The following PPP1R3A variants were observed in gnomAD, a reference collection of about 807,000 sequenced individuals.
PPP1R3A encodes the protein protein phosphatase 1 regulatory subunit 3A.
Under a neutral mutation model 41.7 loss-of-function variants are expected in PPP1R3A, and 29 were observed. That is an observed-to-expected ratio of 0.70 (90% CI 0.52 to 0.95). The LOEUF (loss-of-function observed/expected upper bound fraction) is 0.95. PPP1R3A is among the 40% of genes least tolerant of loss of function. The pLI, the probability that PPP1R3A is intolerant of heterozygous loss-of-function variation, is 0.00. For missense variants in PPP1R3A, 1,352 were observed against 1,292.4 expected (o/e 1.05, Z -0.71); for synonymous variants, 485 against 453.4 (o/e 1.07, Z -0.89).
chr7:113,894,559 A>C (rs1157044639), intron 1 of PPP1R3A, among the ~76,000 whole-genome samples: 2 of 151,960 alleles, frequency 1.3e-5, no homozygotes, highest in Non-Finnish European at 2.9e-5. Flanking sequence ...ATTTCCTCAC[A>C]ACGTAAGTGC....
At chr7:113,900,875 T>C (rs2129118376) in intron 1 of PPP1R3A, among the ~76,000 whole-genome samples, 1 of 151,342 alleles carries the variant, frequency 6.6e-6, no homozygotes, top group East Asian at 1.9e-4. Flanking sequence ...ACTTGCACAG[T>C]ACTAGAAATT....
Position 113,882,334 on chromosome 7 carries a change from A to G in PPP1R3A, c.783-14T>C, listed in dbSNP as rs1426679445. On this transcript the variant is annotated splice_polypyrimidine_tract_variant and intron_variant, in intron 1 of 3. Coordinates refer to ENST00000284601, the MANE Select transcript of PPP1R3A (RefSeq NM_002711.4). ...GATTCTTCTTTACTGTTAAATTTAA[A>G]AGAAAATGTTATATGTTTTTCTGGG... is the stretch of plus-strand genomic sequence containing the variant. 3 of 1,408,582 alleles carry G rather than the reference A, an allele frequency of 2.1e-6. No individual in the cohort carries two copies. The highest frequency in any genetic ancestry group is 1.7e-5 in the Admixed American group (1 of 58,478). The allele number at this position is 1,408,582 out of a possible 1,614,324, so 87.3% of individuals were successfully genotyped here.
At chr7:113,897,004 T>G (rs1331484263) in intron 1 of PPP1R3A, among the ~76,000 whole-genome samples, 1 of 151,932 alleles carries the variant, frequency 6.6e-6, no homozygotes, top group East Asian at 1.9e-4. Flanking sequence ...TTGAAGCCTA[T>G]TCACATGCCA....
intron 1 of PPP1R3A, among the ~76,000 whole-genome samples, chr7:113,912,338 CA>C (rs1458216387): frequency 6.6e-6 from 1 of 152,120 alleles, no homozygotes; most frequent in Non-Finnish European, 1.5e-5. Flanking sequence ...TAGCTCCTGC[CA>C]CCCTCGAGGG....
At chr7:113,882,390 G>A (rs563835464) in intron 1 of PPP1R3A, 70 bp from the exon 2 acceptor site, 3 of 934,776 alleles carry the variant, frequency 3.2e-6, no homozygotes, top group Admixed American at 2.0e-5. Context: ...TTACACAGGG[G>A]GAAATTCAAT....
chr7:113,902,356 T>C (rs1003950765), intron 1 of PPP1R3A, among the ~76,000 whole-genome samples: 1 of 151,856 alleles, frequency 6.6e-6, no homozygotes, highest in African/African-American at 2.4e-5. Context: ...TTTAATATAC[T>C]GTTTATAGCC....
chr7:113,887,358 T>C (rs1335701364), intron 1 of PPP1R3A, among the ~76,000 whole-genome samples: 1 of 152,006 alleles, frequency 6.6e-6, no homozygotes, highest in African/African-American at 2.4e-5. Context: ...TATTTAATCA[T>C]GGTTTTTCTA....
At chr7:113,889,081 G>A (rs930724806) in intron 1 of PPP1R3A, among the ~76,000 whole-genome samples, 14 of 152,152 alleles carry the variant, frequency 9.2e-5, no homozygotes, top group African/African-American at 3.1e-4. Context: ...ATGGGGAATA[G>A]AGAATGATGG....
chr7:113,897,802 TTG>T (rs1327998757), intron 1 of PPP1R3A, among the ~76,000 whole-genome samples: 1 of 151,724 alleles, frequency 6.6e-6, no homozygotes, highest in Non-Finnish European at 1.5e-5. Flanking sequence ...ATGACTACTG[TTG>T]AAGATTAGTA....
intron 1 of PPP1R3A, among the ~76,000 whole-genome samples, chr7:113,904,878 G>C (rs1270197602): frequency 6.6e-6 from 1 of 151,482 alleles, no homozygotes; most frequent in Non-Finnish European, 1.5e-5. Context: ...TGTTTTCACT[G>C]GGACCCATAT....
In PPP1R3A at chr7:113,879,502, T is replaced by C; in HGVS notation, c.1590A>G (p.Gln530=). 1 of 1,613,202 alleles carries C rather than the reference T, an allele frequency of 6.2e-7. No homozygotes were observed. Among genetic ancestry groups the C allele is most frequent in the Non-Finnish European group, 8.5e-7 (1 of 1,179,560 alleles). ...QRIYLGVNEK[Q]RKNFQTILHD... ...GTAAGATTGTTTGGAAATTTTTTCTTTGTTTTTCATTAACACCTAAATATA... is the reference window on the plus strand; with the variant it reads ...GTAAGATTGTTTGGAAATTTTTTCTCTGTTTTTCATTAACACCTAAATATA... The change falls in exon 4 of 4, where the codon CAA becomes CAG. Residue 530 remains glutamine (Q), a synonymous_variant. Transcript: ENST00000284601.
At chr7:113,913,601 A>G (rs1226756094) in intron 1 of PPP1R3A, among the ~76,000 whole-genome samples, 1 of 152,122 alleles carries the variant, frequency 6.6e-6, no homozygotes, top group East Asian at 1.9e-4. Context: ...TTTACTTAAA[A>G]TAATAAATTG....
chr7:113,879,325 T>G lies in PPP1R3A; in HGVS notation c.1767A>C (p.Leu589Phe). Residue 589 changes from leucine (L) to phenylalanine (F), a missense_variant, in exon 4 of 4, where the codon TTA becomes TTC. By Grantham distance (22) the Leu-to-Phe change is conservative. Transcript: ENST00000284601. ...GGGTTAACACAGCTTCTTCCCAACT[T>G]AAATTTGTCCTTGGTGAATGAGACA... is the stretch of plus-strand genomic sequence containing the variant. Reference protein sequence around the residue: ...ADVSHSPRTNLSWEEAVLTPE... With the variant: ...ADVSHSPRTNFSWEEAVLTPE... 1.2e-6 allele frequency: 2 copies of G among 1,613,558 alleles called. No homozygotes were observed. The highest frequency in any genetic ancestry group is 1.7e-6 in the Non-Finnish European group (2 of 1,179,702).
At position 113,878,745 on chromosome 7, in the gene PPP1R3A, A is replaced by T. The variant is rs1562916082; in HGVS notation, c.2347T>A (p.Ser783Thr). The T allele has an allele frequency of 3.7e-6, 6 of 1,613,486 alleles. No homozygotes were observed. The Middle Eastern group carries it at 5.0e-4, about 133-fold the overall frequency. The change falls in exon 4 of 4, where the codon TCA becomes ACA. Residue 783 changes from serine to threonine, a missense_variant. Transcript: ENST00000284601. ...FDPHEGRNDD[S>T]HYTLCQRDTV... ...TCTCGTTGACAAAGGGTATAATGTG[A>T]ATCATCATTTCTCCCTTCATGTGGA...
chr7:113,892,207 C>A (rs962643664), intron 1 of PPP1R3A, among the ~76,000 whole-genome samples: 1 of 151,988 alleles, frequency 6.6e-6, no homozygotes, highest in African/African-American at 2.4e-5. Flanking sequence ...CTTCTCTCCA[C>A]AAAAGAAAGG....
chr7:113,908,778 G>T (rs2129120028), intron 1 of PPP1R3A, among the ~76,000 whole-genome samples: 1 of 151,852 alleles, frequency 6.6e-6, no homozygotes, highest in African/African-American at 2.4e-5. Flanking sequence ...TAAAGAAAAA[G>T]TATATATACA....
In PPP1R3A at chr7:113,878,050, G is replaced by A. The variant is rs1262221226; in HGVS notation, c.3042C>T (p.Ile1014=). The A allele has an allele frequency of 6.2e-7, 1 of 1,613,154 alleles. No individual in the cohort carries two copies. The highest frequency in any genetic ancestry group is 1.1e-5 in the South Asian group (1 of 91,070). The part of the protein sequence containing the change: ...VEKSLGPMIL[I]NKPLENMEEA... ...CTTCCATATTCTCAAGAGGTTTGTT[G>A]ATTAAAATCATTGGCCCTAGAGATT... The change falls in exon 4 of 4, where the codon ATC becomes ATT. Residue 1014 remains isoleucine, a synonymous_variant. Coordinates refer to ENST00000284601, the MANE Select transcript of PPP1R3A (RefSeq NM_002711.4).
chr7:113,912,345 G>A (rs1239053466), intron 1 of PPP1R3A, among the ~76,000 whole-genome samples: 1 of 152,076 alleles, frequency 6.6e-6, no homozygotes, highest in African/African-American at 2.4e-5. Flanking sequence ...TGCCACCCTC[G>A]AGGGGTCTCC....
In PPP1R3A at chr7:113,885,364, AT is replaced by A. The variant is rs1430853874; in HGVS notation, c.783-3045del. On this transcript the variant is annotated intron_variant, in intron 1 of 3. Coordinates refer to ENST00000284601, the MANE Select transcript of PPP1R3A (RefSeq NM_002711.4). ...ACCTGGCCCCCAGGCTTTCTTGTACATTGCTGGTGGGAGAATAAATAGGTAA... is the reference window on the plus strand; with the variant it reads ...ACCTGGCCCCCAGGCTTTCTTGTACATGCTGGTGGGAGAATAAATAGGTAA... Among the ~76,000 whole-genome samples, 4 of 152,208 alleles carry A rather than the reference AT, an allele frequency of 2.6e-5. No homozygotes were observed. The East Asian group carries it at 7.8e-4, about 30-fold the overall frequency.
Sources: allele counts gnomAD v4.1 joint callset (sites outside exome capture counted in the v4.1 genomes callset), GRCh38; gene constraint gnomAD v4.1.1; transcripts MANE v1.5; gene names NCBI Gene and HGNC (gene_info 2026-07-23, HGNC 2026-07-21).